S100Z: variants seen among roughly 807,000 people sequenced by gnomAD.
S100Z encodes protein S100-Z.
Under a neutral mutation model 8.5 loss-of-function variants are expected in S100Z, and 11 were observed. The ratio of observed to expected loss-of-function variants is 1.30; its 90% CI spans 0.82 to 2.15. The LOEUF is 2.15. Ranked by LOEUF, S100Z falls within the 30% of genes most tolerant of loss-of-function variation. The pLI, the probability that S100Z is intolerant of heterozygous loss-of-function variation, is 0.00. For missense variants in S100Z, 126 were observed against 117.9 expected, an observed-to-expected ratio of 1.07 and a Z score of -0.32; for synonymous variants, 34 against 43.8, an observed-to-expected ratio of 0.78 and a Z score of 0.89.
chr5:76,859,163 CAG>C (rs959558774), intron 1 of S100Z, among the ~76,000 whole-genome samples: 31 of 152,138 alleles, frequency 2.0e-4, no homozygotes, highest in African/African-American at 7.5e-4. Context: ...AAATTATAGC[CAG>C]AGAGTTTGCA....
chr5:76,904,045 T>C (rs1175290642), intron 4 of S100Z, among the ~76,000 whole-genome samples: 2 of 152,106 alleles, frequency 1.3e-5, no homozygotes, highest in African/African-American at 2.4e-5. Flanking sequence ...GACATCTATA[T>C]GTTTTCTTTT....
chr5:76,884,554 G>A (rs943900487), intron 4 of S100Z, among the ~76,000 whole-genome samples: 2 of 152,122 alleles, frequency 1.3e-5, no homozygotes, highest in Non-Finnish European at 2.9e-5. Flanking sequence ...TATATTTAGT[G>A]GGGTCTGATG....
At chr5:76,877,268 T>G (rs1350972802) in intron 3 of S100Z, among the ~76,000 whole-genome samples, 1 of 152,238 alleles carries the variant, frequency 6.6e-6, no homozygotes, top group African/African-American at 2.4e-5. Flanking sequence ...TAAAAGCATT[T>G]AAAATGTTAC....
intron 4 of S100Z, among the ~76,000 whole-genome samples, chr5:76,885,772 A>G (rs1422327995): frequency 1.3e-5 from 2 of 150,578 alleles, no homozygotes; most frequent in African/African-American, 2.5e-5. Context: ...GGATAGAGAC[A>G]CAGACAGAAG....
rs1745015334 is a variant in S100Z at position 76,920,900 on chromosome 5, G to GA, written c.*187dup. The GA allele has an allele frequency of 6.6e-6, 1 of 152,194 alleles. No individual in the cohort carries two copies. Among genetic ancestry groups the GA allele is most frequent in the Non-Finnish European group, 1.5e-5 (1 of 68,034 alleles). The allele number at this position is 152,194 out of a possible 1,614,324, so 9.4% of individuals were successfully genotyped here. On this transcript the variant is annotated 3_prime_UTR_variant, in exon 5 of 5. Coordinates refer to ENST00000317593, the MANE Select transcript of S100Z (RefSeq NM_130772.4). ...GCTCATAAATTAGGTAAGGAGCAGT[G>GA]AGGAAGTGTCTACAGCAACCTCAGC...
At chr5:76,875,551 C>T (rs1211033819) in intron 3 of S100Z, 51 bp downstream of exon 3, 40 of 1,522,170 alleles carry the variant, frequency 2.6e-5, no homozygotes, top group Non-Finnish European at 3.5e-5. Flanking sequence ...AGATGAGGTG[C>T]AGATTCCAGG....
downstream of S100Z, among the ~76,000 whole-genome samples, chr5:76,923,712 C>G (rs1745086264): frequency 6.6e-6 from 1 of 152,196 alleles, no homozygotes; most frequent in African/African-American, 2.4e-5. Context: ...CATGGGCAAA[C>G]CGTTTTTATA....
chr5:76,917,036 G>T (rs771527929), intron 4 of S100Z, among the ~76,000 whole-genome samples: 1 of 144,470 alleles, frequency 6.9e-6, no homozygotes, highest in East Asian at 2.1e-4. Flanking sequence ...TGAGGCAGGA[G>T]AATGGCTTGA....
chr5:76,915,220 G>A (rs991058201), intron 4 of S100Z, among the ~76,000 whole-genome samples: 3 of 151,360 alleles, frequency 2.0e-5, no homozygotes, highest in Non-Finnish European at 4.4e-5. Flanking sequence ...GCAGGAGAAT[G>A]CGTAAACCTG....
chr5:76,945,058 G>C, the S100Z span, among the ~76,000 whole-genome samples: 1 of 152,150 alleles, frequency 6.6e-6, no homozygotes, highest in Admixed American at 6.5e-5. Context: ...CAATTGCTTT[G>C]CCCTGAGATG....
intron 4 of S100Z, among the ~76,000 whole-genome samples, chr5:76,915,304 CAAAA>C (rs60682268): frequency 1.9e-5 from 2 of 103,630 alleles, no homozygotes; most frequent in Non-Finnish European, 1.8e-5. Context: ...GACTCCATCT[CAAAA>C]AAAAAAAAAA....
intron 4 of S100Z, among the ~76,000 whole-genome samples, chr5:76,901,117 G>A (rs1744212538): frequency 6.6e-6 from 1 of 152,178 alleles, no homozygotes; most frequent in Admixed American, 6.6e-5. Context: ...TACAGCTAGA[G>A]GTAGAGTGAC....
intron 4 of S100Z, among the ~76,000 whole-genome samples, chr5:76,900,417 G>C (rs1580050426): frequency 1.3e-5 from 2 of 151,892 alleles, no homozygotes; most frequent in Non-Finnish European, 2.9e-5. Flanking sequence ...TTACTTCATT[G>C]TTTTTTATTC....
the S100Z span, among the ~76,000 whole-genome samples, chr5:76,934,501 T>C: frequency 1.3e-5 from 2 of 152,196 alleles, no homozygotes; most frequent in Non-Finnish European, 2.9e-5. Flanking sequence ...CCAAAATTCA[T>C]GTTGAAGCCT....
At chr5:76,875,212 C>G (rs550366972) in intron 2 of S100Z, 92 bp from the exon 3 acceptor site, 2 of 707,350 alleles carry the variant, frequency 2.8e-6, no homozygotes, top group Non-Finnish European at 4.5e-6. Flanking sequence ...TTTTTAACAA[C>G]CATCACTTGT....
intron 4 of S100Z, among the ~76,000 whole-genome samples, chr5:76,882,091 CA>C (rs1743419996): frequency 6.6e-6 from 1 of 152,100 alleles, no homozygotes; most frequent in African/African-American, 2.4e-5. Flanking sequence ...TGAGTTAAGA[CA>C]ATGAGTTTGG....
intron 1 of S100Z, among the ~76,000 whole-genome samples, chr5:76,866,430 T>C (rs2150630201): frequency 6.6e-6 from 1 of 152,284 alleles, no homozygotes; most frequent in Non-Finnish European, 1.5e-5. Flanking sequence ...AACTGTACAA[T>C]GTTTATGAAG....
chr5:76,932,981 G>A, the S100Z span, among the ~76,000 whole-genome samples: 1 of 152,082 alleles, frequency 6.6e-6, no homozygotes, highest in Non-Finnish European at 1.5e-5. Flanking sequence ...TAAATCCAAG[G>A]GAAAACAAAG....
At chr5:76,952,950 G>A in the S100Z span, 22 of 600,932 alleles carry the variant, frequency 3.7e-5, no homozygotes, top group East Asian at 6.1e-4. Flanking sequence ...AATGAGACAG[G>A]GTAACCCATG....
Sources: allele counts gnomAD v4.1 joint callset (sites outside exome capture counted in the v4.1 genomes callset), GRCh38; gene constraint gnomAD v4.1.1; transcripts MANE v1.5; gene names NCBI Gene and HGNC (gene_info 2026-07-23, HGNC 2026-07-21).